PRH1: variants seen among roughly 807,000 people sequenced by gnomAD.
The protein encoded by PRH1 is salivary acidic proline-rich phosphoprotein 1/2.
In PRH1, 7 loss-of-function variants were observed where a neutral mutation model predicts 7.9. That is an observed-to-expected ratio of 0.89 (90% CI 0.50 to 1.67). The LOEUF (loss-of-function observed/expected upper bound fraction) is 1.67. PRH1 is among the 40% of genes most tolerant of loss of function. PRH1 has a pLI of 0.00. For missense variants in PRH1, 109 were observed against 223.6 expected (o/e 0.49, Z 3.27); for synonymous variants, 45 against 80.8 (o/e 0.56, Z 2.38).
chr12:11,073,739 T>C (rs1222066915), intron 1 of PRH1, among the ~76,000 whole-genome samples: 3 of 152,026 alleles, frequency 2.0e-5, no homozygotes, highest in Non-Finnish European at 2.9e-5. Flanking sequence ...GCCCATTGAG[T>C]CAGATGATCC....
intron 1 of PRH1, among the ~76,000 whole-genome samples, chr12:11,102,422 G>C (rs962270919): frequency 6.6e-6 from 1 of 151,992 alleles, no homozygotes; most frequent in African/African-American, 2.4e-5. Flanking sequence ...TGGCAAACCT[G>C]ACAAAAACAA....
intron 1 of PRH1, among the ~76,000 whole-genome samples, chr12:10,989,981 CT>C (rs1170305117): frequency 1.3e-5 from 2 of 152,086 alleles, no homozygotes; most frequent in Admixed American, 1.3e-4. Flanking sequence ...ATTTTAATGG[CT>C]TCTGAAAATA....
downstream of PRH1, among the ~76,000 whole-genome samples, chr12:11,117,795 G>T (rs1945773143): frequency 6.6e-6 from 1 of 152,124 alleles, no homozygotes; most frequent in Non-Finnish European, 1.5e-5. Context: ...TTTTGAAAAA[G>T]ATGCCAAGAA....
At chr12:11,158,441 CT>C (rs1476810661) in intron 1 of PRH1, among the ~76,000 whole-genome samples, 2 of 152,022 alleles carry the variant, frequency 1.3e-5, no homozygotes, top group African/African-American at 4.8e-5. Context: ...TTACATTACA[CT>C]TTTTTCTGTG....
chr12:11,122,243 G>A (rs1945933878), intron 1 of PRH1, among the ~76,000 whole-genome samples: 1 of 152,256 alleles, frequency 6.6e-6, no homozygotes, highest in Non-Finnish European at 1.5e-5. Context: ...ACTGTTCCCA[G>A]AAGAAGAATG....
intron 1 of PRH1, among the ~76,000 whole-genome samples, chr12:11,069,859 T>A (rs1454693310): frequency 2.0e-5 from 3 of 152,206 alleles, no homozygotes; most frequent in Non-Finnish European, 4.4e-5. Context: ...AAGGGAAGCT[T>A]AAGTCCCCTT....
intron 1 of PRH1, chr12:10,986,708 C>T: frequency 1.9e-6 from 3 of 1,612,678 alleles, no homozygotes; most frequent in Non-Finnish European, 2.5e-6. Flanking sequence ...TGGAGACCGC[C>T]AGAGCAGTGA....
At chr12:10,890,322 C>A (rs149611559) in intron 2 of PRH1, among the ~76,000 whole-genome samples, 2 of 151,910 alleles carry the variant, frequency 1.3e-5, no homozygotes, top group South Asian at 2.1e-4. Flanking sequence ...GATATAAAGA[C>A]AATAAAAAGC....
Position 10,931,026 on chromosome 12 carries a change from C to T in PRH1, c.-59+42629G>A, listed in dbSNP as rs370064960. ...AGGGACCACCTCCCCAAGGGGGCCGCCCACAAGGACCTCCACAGGGGCAGT... is the reference window on the plus strand; with the variant it reads ...AGGGACCACCTCCCCAAGGGGGCCGTCCACAAGGACCTCCACAGGGGCAGT... On this transcript the variant is annotated intron_variant, in intron 2 of 3. Coordinates refer to the PRH1 transcript ENST00000539853. 3.8e-6 allele frequency: 6 copies of T among 1,592,222 alleles called. No homozygotes were observed. In the African/African-American group the frequency reaches 6.7e-5, roughly 18 times the overall value.
At chr12:11,078,768 G>A (rs1438309924) in intron 1 of PRH1, 4 of 152,042 alleles carry the variant, frequency 2.6e-5, no homozygotes, top group Non-Finnish European at 5.9e-5. Context: ...TTTTATGCCA[G>A]ATTTAAATAC....
intron 1 of PRH1, among the ~76,000 whole-genome samples, chr12:11,061,188 A>G (rs74495817): frequency 0.017 from 2,328 of 138,380 alleles, 19 homozygotes; most frequent in South Asian, 0.039. Flanking sequence ...ACACACAAAA[A>G]TACATATATA....
chr12:10,888,915 A>T (rs1462048035), upstream of PRH1, among the ~76,000 whole-genome samples: 1 of 152,218 alleles, frequency 6.6e-6, no homozygotes, highest in Non-Finnish European at 1.5e-5. Flanking sequence ...ACTGAGGTTC[A>T]CTGAGTTAAA....
chr12:11,041,721 T>C (rs148732634), intron 1 of PRH1, among the ~76,000 whole-genome samples: 5 of 152,234 alleles, frequency 3.3e-5, no homozygotes, highest in African/African-American at 7.2e-5. Context: ...ATAGACCATA[T>C]GTTAGATCAC....
At chr12:11,056,918 T>G (rs1239449420) in intron 1 of PRH1, among the ~76,000 whole-genome samples, 2 of 152,278 alleles carry the variant, frequency 1.3e-5, no homozygotes, top group Non-Finnish European at 2.9e-5. Flanking sequence ...CCATTTTACC[T>G]TTTTGCTATA....
chr12:11,099,308 T>C (rs1212787433), intron 1 of PRH1, among the ~76,000 whole-genome samples: 1 of 152,082 alleles, frequency 6.6e-6, no homozygotes, highest in Non-Finnish European at 1.5e-5. Flanking sequence ...AGAAGGAGAA[T>C]GAGAAAGTAA....
intron 1 of PRH1, among the ~76,000 whole-genome samples, chr12:11,015,981 GAC>G (rs1443036019): frequency 1.3e-5 from 2 of 151,250 alleles, no homozygotes; most frequent in Non-Finnish European, 3.0e-5. Flanking sequence ...TCTGAGAATT[GAC>G]AGTCAATTTG....
At chr12:10,985,840 C>A in intron 1 of PRH1, 1 of 1,130,794 alleles carries the variant, frequency 8.8e-7, no homozygotes, top group South Asian at 1.7e-5. Context: ...AAAACATACA[C>A]TACAGAAAAA....
intron 2 of PRH1, chr12:10,929,095 C>A: frequency 1.5e-6 from 1 of 688,548 alleles, no homozygotes; most frequent in Non-Finnish European, 2.5e-6. Flanking sequence ...GGCTAGAGTC[C>A]CAGAAGAAAT....
intron 2 of PRH1, among the ~76,000 whole-genome samples, chr12:10,962,936 A>T (rs1469977215): frequency 2.0e-5 from 3 of 152,022 alleles, no homozygotes; most frequent in East Asian, 1.9e-4. Flanking sequence ...CGCCCTGCTA[A>T]TTTTTTTGTA....
Sources: allele counts gnomAD v4.1 joint callset (sites outside exome capture counted in the v4.1 genomes callset), GRCh38; gene constraint gnomAD v4.1.1; transcripts MANE v1.5; gene names NCBI Gene and HGNC (gene_info 2026-07-23, HGNC 2026-07-21).